The following ENTREP2 variants were observed in gnomAD, a reference collection of about 807,000 sequenced individuals.
The protein encoded by ENTREP2 is endosomal transmembrane epsin interactor 2, also known as protein ENTREP2.
At chr15:29,289,614 G>A in the ENTREP2 span, among the ~76,000 whole-genome samples, 5 of 152,082 alleles carry the variant, frequency 3.3e-5, no homozygotes, top group South Asian at 8.3e-4. Context: ...GGGAGGCCGA[G>A]GTGGGTGGAT....
At chr15:29,634,194 T>G in the ENTREP2 span, among the ~76,000 whole-genome samples, 2 of 151,978 alleles carry the variant, frequency 1.3e-5, no homozygotes, top group African/African-American at 4.8e-5. Flanking sequence ...GACCCTAAGG[T>G]TCGGTGTGCA....
chr15:29,284,538 CAGAG>C, the ENTREP2 span, among the ~76,000 whole-genome samples: 3 of 135,004 alleles, frequency 2.2e-5, no homozygotes, highest in Non-Finnish European at 4.6e-5. Context: ...GCCTGGGTGA[CAGAG>C]AGAGACTCCA....
At chr15:29,609,872 GA>G in the ENTREP2 span, 8 of 150,404 alleles carry the variant, frequency 5.3e-5, no homozygotes, top group African/African-American at 1.9e-4. Flanking sequence ...ATTTGAGTTA[GA>G]AAATGTATTT....
chr15:29,352,982 C>T, the ENTREP2 span, among the ~76,000 whole-genome samples: 4 of 152,128 alleles, frequency 2.6e-5, no homozygotes, highest in African/African-American at 9.7e-5. Context: ...ACAAATCTTG[C>T]TCTGTGCCAA....
At chr15:29,567,244 CCT>C in the ENTREP2 span, among the ~76,000 whole-genome samples, 6 of 152,308 alleles carry the variant, frequency 3.9e-5, no homozygotes, top group East Asian at 1.9e-4. Flanking sequence ...GACACCCACC[CCT>C]GTCTCCAACC....
At chr15:29,653,283 C>T in the ENTREP2 span, among the ~76,000 whole-genome samples, 1 of 152,174 alleles carries the variant, frequency 6.6e-6, no homozygotes, top group African/African-American at 2.4e-5. Context: ...GACCCAATGA[C>T]CAAAACCACA....
the ENTREP2 span, among the ~76,000 whole-genome samples, chr15:29,245,572 T>G: frequency 6.6e-6 from 1 of 151,428 alleles, no homozygotes; most frequent in African/African-American, 2.4e-5. Flanking sequence ...GCAACCAATA[T>G]AACAATAGCC....
At chr15:29,447,178 T>A in the ENTREP2 span, among the ~76,000 whole-genome samples, 1 of 152,202 alleles carries the variant, frequency 6.6e-6, no homozygotes, top group African/African-American at 2.4e-5. Context: ...ATATTTTAAT[T>A]GAATATTAAA....
At chr15:29,454,585 T>C in the ENTREP2 span, among the ~76,000 whole-genome samples, 150 of 152,308 alleles carry the variant, frequency 9.8e-4, no homozygotes, top group Non-Finnish European at 8.2e-4. Context: ...ATTTAATCCA[T>C]ATAGTTAGTA....
chr15:29,300,001 A>G, the ENTREP2 span, among the ~76,000 whole-genome samples: 4 of 107,566 alleles, frequency 3.7e-5, no homozygotes, highest in African/African-American at 2.6e-4. Context: ...GGGTGGGTGG[A>G]TGGATGGATG....
the ENTREP2 span, among the ~76,000 whole-genome samples, chr15:29,304,511 T>C: frequency 2.6e-5 from 4 of 152,160 alleles, no homozygotes; most frequent in African/African-American, 9.7e-5. Flanking sequence ...TACGACTACA[T>C]GGCAAACAAC....
the ENTREP2 span, among the ~76,000 whole-genome samples, chr15:29,623,624 G>C: frequency 1.3e-5 from 2 of 152,164 alleles, no homozygotes. Flanking sequence ...TCCAGTTCCA[G>C]ATAGGATGTT....
At chr15:29,187,481 G>A in the ENTREP2 span, among the ~76,000 whole-genome samples, 1 of 151,994 alleles carries the variant, frequency 6.6e-6, no homozygotes, top group African/African-American at 2.4e-5. Context: ...TCATCATTTT[G>A]GCCAGGCTGG....
the ENTREP2 span, among the ~76,000 whole-genome samples, chr15:29,510,734 G>A: frequency 6.6e-6 from 1 of 150,574 alleles, no homozygotes; most frequent in Non-Finnish European, 1.5e-5. Flanking sequence ...GTGAACCCGG[G>A]AAGTGGAGCT....
chr15:29,385,636 C>A, the ENTREP2 span, among the ~76,000 whole-genome samples: 9,497 of 152,132 alleles, frequency 0.062, 400 homozygotes, highest in African/African-American at 0.093. Context: ...GCCCCAGCAA[C>A]ACTCTGGTTG....
At chr15:29,312,827 T>G in the ENTREP2 span, among the ~76,000 whole-genome samples, 2 of 152,178 alleles carry the variant, frequency 1.3e-5, no homozygotes, top group Non-Finnish European at 2.9e-5. Flanking sequence ...GGTCACACGT[T>G]TCTCATTTTA....
chr15:29,251,744 C>T, the ENTREP2 span, among the ~76,000 whole-genome samples: 86 of 97,740 alleles, frequency 8.8e-4, no homozygotes, highest in Non-Finnish European at 1.0e-3. Flanking sequence ...TTTTTTGTGA[C>T]TTTTTTTTTT....
At chr15:29,581,881 T>C in the ENTREP2 span, among the ~76,000 whole-genome samples, 29 of 151,436 alleles carry the variant, frequency 1.9e-4, no homozygotes, top group East Asian at 2.3e-3. Flanking sequence ...GGCAGAAGGA[T>C]AGACACACAG....
At chr15:29,624,230 G>A in the ENTREP2 span, among the ~76,000 whole-genome samples, 36 of 152,108 alleles carry the variant, frequency 2.4e-4, no homozygotes, top group Non-Finnish European at 4.6e-4. Context: ...CATTTCTTAC[G>A]ACCAAATTTA....
Sources: allele counts gnomAD v4.1 joint callset (sites outside exome capture counted in the v4.1 genomes callset), GRCh38; gene constraint gnomAD v4.1.1; transcripts MANE v1.5; gene names NCBI Gene and HGNC (gene_info 2026-07-23, HGNC 2026-07-21).